MAML3: variants seen among roughly 807,000 people sequenced by gnomAD.
MAML3 encodes the protein mastermind like transcriptional coactivator 3.
MAML3 carries 27 observed loss-of-function variants against 101.9 expected under a neutral mutation model. The ratio of observed to expected loss-of-function variants is 0.27; its 90% CI spans 0.20 to 0.37. The LOEUF (loss-of-function observed/expected upper bound fraction) is 0.37, where lower values mean the gene tolerates loss of function less well. Among genes scored for constraint, MAML3 ranks in the 10% least tolerant of loss-of-function variants. The pLI is 1.00. For synonymous variants in MAML3, 501 were observed against 555.9 expected, an observed-to-expected ratio of 0.90 and a Z score of 1.39; for missense variants, 1,316 against 1,444.9, an observed-to-expected ratio of 0.91 and a Z score of 1.45.
intron 2 of MAML3, among the ~76,000 whole-genome samples, chr4:139,809,899 C>CAT (rs1430236137): frequency 8.6e-5 from 13 of 151,556 alleles, no homozygotes; most frequent in African/African-American, 3.2e-4. Flanking sequence ...CACACACACA[C>CAT]GGATGCTCCA....
chr4:139,958,007 T>TA (rs2078808984), intron 1 of MAML3, among the ~76,000 whole-genome samples: 1 of 152,212 alleles, frequency 6.6e-6, no homozygotes, highest in Admixed American at 6.5e-5. Context: ...AGATTTTTCA[T>TA]ATCTGAATAT....
rs574289654 is a variant in MAML3, at chr4:140,038,496, T to G, written c.468+114364A>C. Among the ~76,000 whole-genome samples the G allele has an allele frequency of 1.6e-3, 249 of 152,352 alleles. 1 individual carries two copies. The highest frequency in any genetic ancestry group is 5.9e-3 in the African/African-American group (244 of 41,570). ...GATTATATGTTTTCCTTCCCTGACT[T>G]CCTAGGGCCAAACATGATCACTGTT... On this transcript the variant is annotated intron_variant, in intron 1 of 4. Transcript: ENST00000509479.
chr4:139,765,814 C>A (rs556497571), intron 2 of MAML3, among the ~76,000 whole-genome samples: 15 of 152,078 alleles, frequency 9.9e-5, no homozygotes, highest in African/African-American at 3.6e-4. Flanking sequence ...AAGATTTTGT[C>A]TGCACTAAAA....
At chr4:140,060,384 A>AAAAAAAAAAAAAAACAC (rs1727426311) in intron 1 of MAML3, among the ~76,000 whole-genome samples, 1 of 148,834 alleles carries the variant, frequency 6.7e-6, no homozygotes. Context: ...AAAAAAAAAA[A>AAAAAAAAAAAAAAACAC]AGTCACAAGC....
intron 1 of MAML3, among the ~76,000 whole-genome samples, chr4:140,120,491 C>A (rs1352317598): frequency 1.3e-5 from 2 of 152,206 alleles, no homozygotes; most frequent in Non-Finnish European, 2.9e-5. Flanking sequence ...CATGAAACTG[C>A]AAATGTGCCT....
chr4:140,035,367 T>C (rs576266266), intron 1 of MAML3, among the ~76,000 whole-genome samples: 1 of 152,312 alleles, frequency 6.6e-6, no homozygotes, highest in African/African-American at 2.4e-5. Flanking sequence ...ATCAGATATC[T>C]GAACACAGGA....
chr4:140,031,816 C>T (rs1334341088), intron 1 of MAML3, among the ~76,000 whole-genome samples: 3 of 152,148 alleles, frequency 2.0e-5, no homozygotes, highest in Non-Finnish European at 4.4e-5. Context: ...TTTCTTCTTT[C>T]ACAGAGATTT....
intron 2 of MAML3, among the ~76,000 whole-genome samples, chr4:139,826,636 G>A (rs543934372): frequency 3.3e-5 from 5 of 152,274 alleles, no homozygotes; most frequent in Middle Eastern, 3.4e-3. Flanking sequence ...AACAGCCTGC[G>A]CAGAGGCTCC....
At chr4:140,052,922 T>C (rs547117530) in intron 1 of MAML3, among the ~76,000 whole-genome samples, 22 of 152,300 alleles carry the variant, frequency 1.4e-4, no homozygotes, top group African/African-American at 4.8e-4. Context: ...ACAGGGAAAG[T>C]GAGTAAGTGG....
intron 1 of MAML3, among the ~76,000 whole-genome samples, chr4:140,060,841 A>G (rs964071716): frequency 4.6e-5 from 7 of 152,216 alleles, no homozygotes; most frequent in Non-Finnish European, 1.0e-4. Context: ...TAATATAACA[A>G]TCAGCGTGAC....
chr4:139,726,453 G>A (rs1160029893), intron 3 of MAML3, among the ~76,000 whole-genome samples: 1 of 152,150 alleles, frequency 6.6e-6, no homozygotes, highest in African/African-American at 2.4e-5. Flanking sequence ...TGGACTTGCT[G>A]GCTCATGAGG....
At chr4:139,943,056 A>G (rs961465808) in intron 1 of MAML3, among the ~76,000 whole-genome samples, 1 of 152,218 alleles carries the variant, frequency 6.6e-6, no homozygotes, top group Non-Finnish European at 1.5e-5. Context: ...TATTTCATTT[A>G]TATATGTGAA....
At chr4:139,908,481 C>T (rs924955550) in intron 1 of MAML3, among the ~76,000 whole-genome samples, 4 of 152,090 alleles carry the variant, frequency 2.6e-5, no homozygotes, top group African/African-American at 9.7e-5. Flanking sequence ...AATGTTTAAC[C>T]TACTTAATAT....
intron 2 of MAML3, among the ~76,000 whole-genome samples, chr4:139,838,959 C>A (rs942034467): frequency 1.4e-4 from 22 of 152,296 alleles, no homozygotes; most frequent in Admixed American, 5.2e-4. Context: ...GAGATCTTCT[C>A]TTCTGACCCT....
chr4:140,079,830 A>T (rs973115687), intron 1 of MAML3, among the ~76,000 whole-genome samples: 2 of 152,230 alleles, frequency 1.3e-5, no homozygotes, highest in African/African-American at 2.4e-5. Context: ...AAAGAGAGGA[A>T]GTCAGCAATA....
At chr4:139,878,500 C>T (rs1248904795) in intron 2 of MAML3, among the ~76,000 whole-genome samples, 1 of 152,126 alleles carries the variant, frequency 6.6e-6, no homozygotes, top group Admixed American at 6.5e-5. Context: ...TATGATTGGC[C>T]ATTTTACAAT....
chr4:139,737,136 C>A (rs987689649), intron 2 of MAML3, among the ~76,000 whole-genome samples: 1 of 152,010 alleles, frequency 6.6e-6, no homozygotes, highest in Non-Finnish European at 1.5e-5. Context: ...ATCAGACATC[C>A]CTAGACTTAC....
At chr4:139,728,982 C>T (rs569849097) in intron 3 of MAML3, among the ~76,000 whole-genome samples, 1 of 152,066 alleles carries the variant, frequency 6.6e-6, no homozygotes, top group Non-Finnish European at 1.5e-5. Context: ...ATTTACAGAG[C>T]CCAGCTGCCC....
Position 140,011,159 on chromosome 4 carries a change from T to TAC in MAML3, c.469-120193_469-120192insGT, listed in dbSNP as rs1279793213. ...TATACACATATGTCATATATATTTA[T>TAC]ATATATGACATATATGTCATATATA... On this transcript the variant is annotated intron_variant, in intron 1 of 4. Transcript: ENST00000509479. Among the ~76,000 whole-genome samples, 17 of 74,106 alleles carry TAC rather than the reference T, an allele frequency of 2.3e-4. 1 individual carries two copies. Among genetic ancestry groups the TAC allele is most frequent in the African/African-American group, 4.5e-4 (8 of 17,960 alleles). 48.6% of individuals were successfully genotyped at this position (74,106 alleles called of 152,430 possible). A position where few individuals can be genotyped will look rare whatever the true frequency, so the allele number is the denominator to read the frequency against.
Sources: allele counts gnomAD v4.1 joint callset (sites outside exome capture counted in the v4.1 genomes callset), GRCh38; gene constraint gnomAD v4.1.1; transcripts MANE v1.5; gene names NCBI Gene and HGNC (gene_info 2026-07-23, HGNC 2026-07-21).